Variants in RBFOX3 observed in about 807,000 individuals in gnomAD.
RBFOX3 encodes RNA binding fox-1 homolog 3.
Under a neutral mutation model 48.7 loss-of-function variants are expected in RBFOX3, and 17 were observed. The ratio of observed to expected loss-of-function variants is 0.35; its 90% CI spans 0.24 to 0.52. The LOEUF (loss-of-function observed/expected upper bound fraction) is 0.52, where lower values mean the gene tolerates loss of function less well. Ranked by LOEUF, RBFOX3 falls within the 20% of genes least tolerant of loss-of-function variation. RBFOX3 has a pLI of 0.94. For synonymous variants in RBFOX3, 212 were observed against 209.5 expected (o/e 1.01, Z -0.10); for missense variants, 382 against 497.5 (o/e 0.77, Z 2.21).
chr17:79,219,068 C>T (rs8065005), intron 4 of RBFOX3, among the ~76,000 whole-genome samples: 2,489 of 152,326 alleles, frequency 0.016, 75 homozygotes, highest in African/African-American at 0.057. Context: ...CCCACAGGCA[C>T]CTGTGCGGGG....
chr17:79,110,042 G>C lies in RBFOX3; in HGVS notation c.223-3254C>G, dbSNP rs539238948. Among the ~76,000 whole-genome samples, 4 of 152,174 alleles carry C rather than the reference G, an allele frequency of 2.6e-5. No individual in the cohort carries two copies. The East Asian group carries it at 5.8e-4, about 22-fold the overall frequency. ...ACTGCACACGGACTGCCCCAGGCCG[G>C]GGGATGGGGGCCTTCCCACACTGAC... On this transcript the variant is annotated intron_variant, in intron 5 of 14. Coordinates refer to ENST00000693108, the MANE Select transcript of RBFOX3 (RefSeq NM_001350451.2).
chr17:79,589,448 C>T (rs1164601370), intron 1 of RBFOX3, among the ~76,000 whole-genome samples: 2 of 152,142 alleles, frequency 1.3e-5, no homozygotes, highest in African/African-American at 4.8e-5. Context: ...GGACACCAGT[C>T]CTGTTGGATT....
chr17:79,346,991 T>C (rs991618322), intron 2 of RBFOX3, among the ~76,000 whole-genome samples: 1 of 152,222 alleles, frequency 6.6e-6, no homozygotes, highest in Non-Finnish European at 1.5e-5. Context: ...GATCATATCA[T>C]CTGAAAATAA....
rs529126873 is a variant in RBFOX3, at chr17:79,389,628, A to G, written c.-174-81804T>C. On this transcript the variant is annotated intron_variant, in intron 2 of 14. Coordinates refer to ENST00000693108, the MANE Select transcript of RBFOX3 (RefSeq NM_001350451.2). The stretch of plus-strand genomic sequence containing the variant: ...GGGCAGCCTTACCGACACATGACAC[A>G]TGAGCATGCTGGGCCGGTTTCCAGA... 5.3e-5 allele frequency among the ~76,000 whole-genome samples: 8 copies of G among 152,282 alleles called. No individual in the cohort carries two copies. In the South Asian group the frequency reaches 1.0e-3, roughly 20 times the overall value.
chr17:79,568,738 C>T (rs933506958), intron 1 of RBFOX3, among the ~76,000 whole-genome samples: 20 of 152,174 alleles, frequency 1.3e-4, no homozygotes, highest in African/African-American at 4.8e-4. Context: ...AATTTCCCAG[C>T]TCCGCCCCCA....
chr17:79,112,414 C>T (rs986278505), intron 5 of RBFOX3, among the ~76,000 whole-genome samples: 2 of 152,188 alleles, frequency 1.3e-5, no homozygotes, highest in African/African-American at 4.8e-5. Flanking sequence ...TGGCTGGAAA[C>T]CCTCCTCGGG....
chr17:79,149,198 C>A (rs2043748155), intron 4 of RBFOX3, among the ~76,000 whole-genome samples: 1 of 152,214 alleles, frequency 6.6e-6, no homozygotes, highest in Non-Finnish European at 1.5e-5. Flanking sequence ...GGGGTTACAC[C>A]AGGGATGGTG....
At chr17:79,526,754 A>G (rs1158096669) in intron 1 of RBFOX3, among the ~76,000 whole-genome samples, 2 of 152,240 alleles carry the variant, frequency 1.3e-5, no homozygotes, top group African/African-American at 2.4e-5. Context: ...CAGATGAACC[A>G]GGCAGGCCTC....
intron 4 of RBFOX3, among the ~76,000 whole-genome samples, chr17:79,168,795 A>T (rs776647016): frequency 5.9e-5 from 9 of 152,186 alleles, no homozygotes; most frequent in Admixed American, 1.3e-4. Context: ...TTGCTGGTTC[A>T]TCCTCCTAGC....
At chr17:79,347,593 C>T (rs373428063) in intron 2 of RBFOX3, among the ~76,000 whole-genome samples, 2 of 152,278 alleles carry the variant, frequency 1.3e-5, no homozygotes, top group South Asian at 4.2e-4. Context: ...ATACATCAAG[C>T]TGGTCCTCCA....
chr17:79,384,281 C>T (rs535783928), intron 2 of RBFOX3, among the ~76,000 whole-genome samples: 1 of 152,310 alleles, frequency 6.6e-6, no homozygotes, highest in African/African-American at 2.4e-5. Context: ...CACTGCCAGG[C>T]ACTCTCTGTA....
At chr17:79,146,629 G>A (rs776086778) in intron 4 of RBFOX3, among the ~76,000 whole-genome samples, 2 of 152,242 alleles carry the variant, frequency 1.3e-5, no homozygotes, top group South Asian at 4.1e-4. Context: ...CTGGGGAGCA[G>A]CTGAGGGGCT....
At chr17:79,262,646 G>A (rs572629324) in intron 3 of RBFOX3, among the ~76,000 whole-genome samples, 25 of 152,314 alleles carry the variant, frequency 1.6e-4, no homozygotes, top group African/African-American at 4.6e-4. Context: ...GCAGGCTCAC[G>A]GTGCCAGCTG....
intron 2 of RBFOX3, among the ~76,000 whole-genome samples, chr17:79,455,564 G>A (rs1313517681): frequency 2.0e-5 from 3 of 151,996 alleles, no homozygotes; most frequent in East Asian, 3.9e-4. Context: ...AAAGGGGGAG[G>A]CCAGGCACAC....
At chr17:79,543,708 G>A (rs548236543) in intron 1 of RBFOX3, among the ~76,000 whole-genome samples, 74 of 152,266 alleles carry the variant, frequency 4.9e-4, no homozygotes, top group Middle Eastern at 3.4e-3. Flanking sequence ...CCAACCCCGC[G>A]GTCTTAGGTA....
At chr17:79,414,852 C>A (rs1374757854) in intron 2 of RBFOX3, among the ~76,000 whole-genome samples, 1 of 152,244 alleles carries the variant, frequency 6.6e-6, no homozygotes, top group Non-Finnish European at 1.5e-5. Context: ...TCGGGAGGAA[C>A]CATGCAGCAA....
rs1479279800 is a variant in RBFOX3 at position 79,482,095 on chromosome 17, C to G, written c.-175+359G>C. Among the ~76,000 whole-genome samples the G allele has an allele frequency of 6.6e-6, 1 of 152,154 alleles. No individual in the cohort carries two copies. Among genetic ancestry groups the G allele is most frequent in the African/African-American group, 2.4e-5 (1 of 41,424 alleles). ...TCTGGGCAGCAGAACACGAACCGTGCAGGGGAGGGTCAGGCCCTGACTTTG... is the reference window on the plus strand; with the variant it reads ...TCTGGGCAGCAGAACACGAACCGTGGAGGGGAGGGTCAGGCCCTGACTTTG... On this transcript the variant is annotated intron_variant, in intron 2 of 14. Transcript: ENST00000693108. The surrounding 1 kb of genome is among the most constrained non-coding windows in gnomAD (Gnocchi z 4.1).
chr17:79,110,616 C>T (rs1191183762), intron 5 of RBFOX3, among the ~76,000 whole-genome samples: 3 of 152,214 alleles, frequency 2.0e-5, no homozygotes, highest in East Asian at 1.9e-4. Flanking sequence ...CTTGGTGAGC[C>T]GCTGGTGGGC....
intron 3 of RBFOX3, among the ~76,000 whole-genome samples, chr17:79,241,016 C>T (rs1431136822): frequency 6.6e-6 from 1 of 152,050 alleles, no homozygotes; most frequent in Admixed American, 6.6e-5. Flanking sequence ...TGCTCTGTTG[C>T]TCAGGCTGGA....
Sources: gnomAD v4.1 joint callset for allele counts (sites outside exome capture counted in the v4.1 genomes callset) on GRCh38, gnomAD v4.1.1 for gene constraint, Gnocchi (gnomAD v3.1) non-coding constraint, MANE v1.5 for transcripts, NCBI Gene and HGNC (gene_info 2026-07-23, HGNC 2026-07-21) for gene names.